The following TEK variants were observed in gnomAD, a reference collection of about 807,000 sequenced individuals.
TEK encodes TEK receptor tyrosine kinase.
A neutral mutation model predicts 131.8 loss-of-function variants in TEK; 43 were observed. The observed-to-expected ratio is 0.33, with a 90% CI of 0.26 to 0.42. The LOEUF (loss-of-function observed/expected upper bound fraction) is 0.42. TEK is among the 10% of genes least tolerant of loss of function. The pLI, the probability that TEK is intolerant of heterozygous loss-of-function variation, is 1.00. For missense variants in TEK, 1,162 were observed against 1,384.4 expected (o/e 0.84, Z 2.55); for synonymous variants, 580 against 491.6 (o/e 1.18, Z -2.38).
chr9:27,201,444 A>G (rs1158764843), intron 12 of TEK, among the ~76,000 whole-genome samples: 1 of 152,142 alleles, frequency 6.6e-6, no homozygotes, highest in Admixed American at 6.6e-5. Flanking sequence ...TGGTATTTCT[A>G]TTACTCCTTC....
intron 1 of TEK, among the ~76,000 whole-genome samples, chr9:27,122,590 T>TA (rs1821832335): frequency 6.6e-6 from 1 of 152,042 alleles, no homozygotes; most frequent in African/African-American, 2.4e-5. Context: ...TAAGAGCCTT[T>TA]AGGGTATAGG....
intron 9 of TEK, 127 bp from the exon 10 acceptor site, chr9:27,190,402 T>C: frequency 8.9e-7 from 1 of 1,120,814 alleles, no homozygotes; most frequent in Admixed American, 2.0e-5. Flanking sequence ...GTGATCTCAC[T>C]GAGTCTGAGC....
chr9:27,143,828 C>T (rs576196938), intron 1 of TEK, among the ~76,000 whole-genome samples: 3 of 152,284 alleles, frequency 2.0e-5, no homozygotes, highest in South Asian at 4.1e-4. Flanking sequence ...TTTATATAGT[C>T]AGTAAGACAT....
chr9:27,153,292 GA>G (rs11419521), intron 1 of TEK, among the ~76,000 whole-genome samples: 1 of 151,696 alleles, frequency 6.6e-6, no homozygotes, highest in South Asian at 2.1e-4. Context: ...ACTAAAAATA[GA>G]AAAAAAATTA....
chr9:27,200,303 C>T (rs1303167230), intron 12 of TEK, among the ~76,000 whole-genome samples: 2 of 152,188 alleles, frequency 1.3e-5, no homozygotes, highest in Admixed American at 6.5e-5. Context: ...TCAAAATTAT[C>T]TGAGGTGCTC....
chr9:27,144,518 C>T (rs12001452), intron 1 of TEK, among the ~76,000 whole-genome samples: 6,585 of 152,228 alleles, frequency 0.043, 463 homozygotes, highest in African/African-American at 0.15. Flanking sequence ...TTTAGGCCTG[C>T]AGTTTGATAG....
intron 19 of TEK, among the ~76,000 whole-genome samples, chr9:27,218,541 G>C (rs1352500330): frequency 4.6e-5 from 7 of 152,040 alleles, no homozygotes; most frequent in Non-Finnish European, 1.0e-4. Flanking sequence ...CCACCTTGTA[G>C]TCTCTAGTTA....
At chr9:27,217,999 T>A (rs1587038397) in intron 19 of TEK, among the ~76,000 whole-genome samples, 1 of 152,064 alleles carries the variant, frequency 6.6e-6, no homozygotes, top group East Asian at 1.9e-4. Context: ...ATTCCTCATG[T>A]GCTTCAAGTT....
At position 27,136,980 on chromosome 9, in the gene TEK, G is replaced by C. The variant is rs987505403; in HGVS notation, c.53-20851G>C. On this transcript the variant is annotated intron_variant, in intron 1 of 22. Transcript: ENST00000380036. ...CACCAGGCTGGAGTGCAGTGGCGCAGTCTCGGCTCACTGCAACCTCTGCCT... is the reference window on the plus strand; with the variant it reads ...CACCAGGCTGGAGTGCAGTGGCGCACTCTCGGCTCACTGCAACCTCTGCCT... Among the ~76,000 whole-genome samples, 4 of 152,168 alleles carry C rather than the reference G, an allele frequency of 2.6e-5. No homozygotes were observed. In the South Asian group the frequency reaches 6.2e-4, roughly 24 times the overall value.
At chr9:27,149,509 G>C (rs1823047624) in intron 1 of TEK, among the ~76,000 whole-genome samples, 1 of 152,138 alleles carries the variant, frequency 6.6e-6, no homozygotes. Context: ...TACTAGGAAG[G>C]CTAGGTGACT....
At chr9:27,114,389 G>A (rs1821464684) in intron 1 of TEK, among the ~76,000 whole-genome samples, 1 of 152,146 alleles carries the variant, frequency 6.6e-6, no homozygotes, top group African/African-American at 2.4e-5. Context: ...TGACCAACAT[G>A]GTGAAACCTT....
In TEK at chr9:27,191,847, A is replaced by T. The variant is rs74591253; in HGVS notation, c.1490-642A>T. On this transcript the variant is annotated intron_variant, in intron 10 of 22. Transcript: ENST00000380036. Reference sequence around the variant, plus strand: ...GTGGACATCCACAAAGTGGTCTTCTAAGAACTGTTAAACACATCCCAGTTT... The same window carrying T: ...GTGGACATCCACAAAGTGGTCTTCTTAGAACTGTTAAACACATCCCAGTTT... 2,147 of 439,220 alleles carry T rather than the reference A, an allele frequency of 4.9e-3. 9 individuals are homozygous for T. Among genetic ancestry groups the T allele is most frequent in the Middle Eastern group, 0.014 (38 of 2,696 alleles). The allele number at this position is 439,220 out of a possible 1,614,324, so 27.2% of individuals were successfully genotyped here. A position where few individuals can be genotyped will look rare whatever the true frequency, so the allele number is the denominator to read the frequency against.
chr9:27,160,991 T>G (rs1007414719), intron 2 of TEK, among the ~76,000 whole-genome samples: 1 of 152,230 alleles, frequency 6.6e-6, no homozygotes, highest in Non-Finnish European at 1.5e-5. Context: ...TGATCTGAGA[T>G]TATGCCCCAG....
chr9:27,114,540 G>A (rs932936057), intron 1 of TEK, among the ~76,000 whole-genome samples: 2 of 151,478 alleles, frequency 1.3e-5, no homozygotes, highest in Admixed American at 6.6e-5. Flanking sequence ...CACTGCACTC[G>A]AGCCTGCATG....
At chr9:27,216,596 C>T (rs1485757311) in intron 18 of TEK, among the ~76,000 whole-genome samples, 4 of 152,162 alleles carry the variant, frequency 2.6e-5, no homozygotes, top group African/African-American at 9.7e-5. Context: ...AGAAAAAATA[C>T]TTCCATACTT....
rs1368043969 is a variant in TEK at position 27,183,558 on chromosome 9, T to C, written c.1130T>C (p.Leu377Pro). ...NPICKASGWP[L>P]PTNEEMTLVK... ...ATTTGCAAAGCTTCTGGCTGGCCGC[T>C]ACCTACTAATGAAGAAATGACCCTG... is the stretch of plus-strand genomic sequence containing the variant. Residue 377 changes from leucine to proline, a missense_variant, in exon 8 of 23, where the codon CTA (leucine) becomes CCA (proline). Transcript: ENST00000380036. 6 of 1,613,816 alleles carry C rather than the reference T, an allele frequency of 3.7e-6. No homozygotes were observed. The highest frequency in any genetic ancestry group is 5.1e-6 in the Non-Finnish European group (6 of 1,179,848).
At chr9:27,226,088 C>A (rs552000407) in intron 21 of TEK, among the ~76,000 whole-genome samples, 2 of 152,248 alleles carry the variant, frequency 1.3e-5, no homozygotes, top group South Asian at 2.1e-4. Context: ...ATGACAGATG[C>A]TGGAGAGGAT....
chr9:27,147,620 T>A (rs940713137), intron 1 of TEK, among the ~76,000 whole-genome samples: 1 of 152,212 alleles, frequency 6.6e-6, no homozygotes, highest in Non-Finnish European at 1.5e-5. Flanking sequence ...TTATTCATGG[T>A]GTCTATGACA....
intron 22 of TEK, 68 bp downstream of exon 22, chr9:27,228,373 A>C (rs2131266247): frequency 2.4e-6 from 3 of 1,237,238 alleles, no homozygotes; most frequent in Non-Finnish European, 3.5e-6. Context: ...GGTTCATAAA[A>C]AACATTGAAA....
Sources: allele counts gnomAD v4.1 joint callset (sites outside exome capture counted in the v4.1 genomes callset), GRCh38; gene constraint gnomAD v4.1.1; transcripts MANE v1.5; gene names NCBI Gene and HGNC (gene_info 2026-07-23, HGNC 2026-07-21).